The following PATJ variants were observed in gnomAD, a reference collection of about 807,000 sequenced individuals.
PATJ encodes inaD-like protein.
A neutral mutation model predicts 224.9 loss-of-function variants in PATJ; 190 were observed. The ratio of observed to expected loss-of-function variants is 0.84; its 90% CI spans 0.75 to 0.95. PATJ has a LOEUF of 0.95. Among genes scored for constraint, PATJ ranks in the 40% least tolerant of loss-of-function variants. The probability of loss-of-function intolerance (pLI) is 0.00; values close to 1 mark genes in which losing one functional copy is unlikely to be tolerated. For missense variants in PATJ, 2,121 were observed against 2,270.3 expected (o/e 0.93, Z 1.34); for synonymous variants, 769 against 820.3 (o/e 0.94, Z 1.07).
chr1:61,836,405 T>C (rs1443068626), intron 17 of PATJ, among the ~76,000 whole-genome samples: 1 of 152,248 alleles, frequency 6.6e-6, no homozygotes, highest in African/African-American at 2.4e-5. Context: ...TTTGTGCTTC[T>C]TATAGAACAT....
chr1:61,765,708 C>T (rs1415924065), intron 3 of PATJ, among the ~76,000 whole-genome samples: 2 of 139,298 alleles, frequency 1.4e-5, no homozygotes, highest in Admixed American at 1.4e-4. Context: ...GTTTAAGTGG[C>T]TCCGTGACTC....
intron 31 of PATJ, among the ~76,000 whole-genome samples, chr1:62,061,975 TTA>T (rs1381938187): frequency 6.6e-6 from 1 of 152,204 alleles, no homozygotes; most frequent in Non-Finnish European, 1.5e-5. Flanking sequence ...CACATTTTCT[TTA>T]TACAGTCCAC....
At chr1:61,801,921 GTTTC>G (rs1356794624) in intron 12 of PATJ, 152 bp downstream of exon 12, 3 of 415,372 alleles carry the variant, frequency 7.2e-6, no homozygotes, top group African/African-American at 2.2e-5. Flanking sequence ...TTGAGACAGA[GTTTC>G]TTTTTTTTTT....
At chr1:62,092,267 CTA>C (rs1660839131) in intron 33 of PATJ, among the ~76,000 whole-genome samples, 1 of 151,876 alleles carries the variant, frequency 6.6e-6, no homozygotes, top group Non-Finnish European at 1.5e-5. Flanking sequence ...GTAGTCCCAA[CTA>C]CCTGGCAGGC....
At chr1:62,026,488 CTGTGTGTG>C (rs58091307) in intron 29 of PATJ, among the ~76,000 whole-genome samples, 151 of 69,442 alleles carry the variant, frequency 2.2e-3, no homozygotes, top group Non-Finnish European at 3.7e-3. Flanking sequence ...GTGTGTGTGT[CTGTGTGTG>C]TGTGTACATG....
intron 30 of PATJ, among the ~76,000 whole-genome samples, chr1:62,048,746 G>A (rs944733772): frequency 2.6e-5 from 4 of 152,014 alleles, no homozygotes; most frequent in African/African-American, 9.7e-5. Flanking sequence ...AACAAGTTAA[G>A]TTACAGGTGA....
rs75570574 is a variant in PATJ, at chr1:61,902,504, G to A, written c.3381+1045G>A. 2.9e-3 allele frequency among the ~76,000 whole-genome samples: 438 copies of A among 151,878 alleles called. 2 individuals carry two copies. Among genetic ancestry groups the A allele is most frequent in the African/African-American group, 8.0e-3 (330 of 41,392 alleles). On this transcript the variant is annotated intron_variant, in intron 24 of 43. Coordinates refer to ENST00000642238, the MANE Select transcript of PATJ (RefSeq NM_001350145.3). ...AAGTCATTAGACCTACTTATTTTCC[G>A]TTTTCAGATAAAATGGAAATGAGAA...
At chr1:61,751,919 A>G (rs1645353962) in intron 1 of PATJ, among the ~76,000 whole-genome samples, 1 of 152,078 alleles carries the variant, frequency 6.6e-6, no homozygotes, top group Admixed American at 6.6e-5. Context: ...CGGGTGGATC[A>G]CCTGAAGTTG....
intron 19 of PATJ, among the ~76,000 whole-genome samples, chr1:61,863,892 T>C (rs936769877): frequency 9.9e-5 from 15 of 152,262 alleles, no homozygotes; most frequent in Non-Finnish European, 1.8e-4. Flanking sequence ...TGTATACTTA[T>C]GTACTACTTT....
chr1:61,850,238 T>C (rs527819917), intron 17 of PATJ, among the ~76,000 whole-genome samples: 1 of 152,328 alleles, frequency 6.6e-6, no homozygotes, highest in South Asian at 2.1e-4. Context: ...TTAGCTTATG[T>C]GAAATCTGGT....
At chr1:61,834,511 C>T (rs1659860705) in intron 17 of PATJ, among the ~76,000 whole-genome samples, 1 of 152,102 alleles carries the variant, frequency 6.6e-6, no homozygotes. Flanking sequence ...ATTCAGACTG[C>T]TGATTATTTG....
At chr1:62,144,690 G>A (rs1367420390) in intron 41 of PATJ, among the ~76,000 whole-genome samples, 1 of 149,808 alleles carries the variant, frequency 6.7e-6, no homozygotes, top group Non-Finnish European at 1.5e-5. Context: ...CTGAACTCTG[G>A]AACTCCATCC....
chr1:61,744,588 T>C (rs1644929444), intron 1 of PATJ, among the ~76,000 whole-genome samples: 1 of 152,140 alleles, frequency 6.6e-6, no homozygotes, highest in Non-Finnish European at 1.5e-5. Context: ...CCCTTACTAG[T>C]CCAGATCCTA....
rs61474969 is a variant in PATJ at position 61,948,752 on chromosome 1, G to A, written c.3670+20923G>A. Among the ~76,000 whole-genome samples, 427 of 152,274 alleles carry A rather than the reference G, an allele frequency of 2.8e-3. 1 individual carries two copies. The highest frequency in any genetic ancestry group is 9.8e-3 in the African/African-American group (407 of 41,570). On this transcript the variant is annotated intron_variant, in intron 27 of 43. Coordinates refer to ENST00000642238, the MANE Select transcript of PATJ (RefSeq NM_001350145.3). ...GGACTATAAATCATGCTGCTATAAA[G>A]ACACTTGTACACGTATGTTTATTGT... is the stretch of plus-strand genomic sequence containing the variant.
intron 31 of PATJ, among the ~76,000 whole-genome samples, chr1:62,074,186 C>T (rs561794772): frequency 8.2e-6 from 1 of 121,396 alleles, no homozygotes; most frequent in South Asian, 2.6e-4. Flanking sequence ...AAATTATATG[C>T]TGAAAACCCA....
At chr1:62,136,828 C>T (rs193205636) in intron 41 of PATJ, among the ~76,000 whole-genome samples, 1 of 152,102 alleles carries the variant, frequency 6.6e-6, no homozygotes, top group East Asian at 1.9e-4. Flanking sequence ...CCTCAGCCTC[C>T]CAAAGTGCTG....
intron 16 of PATJ, among the ~76,000 whole-genome samples, chr1:61,831,324 T>C (rs981017937): frequency 2.0e-5 from 3 of 151,524 alleles, no homozygotes; most frequent in African/African-American, 4.9e-5. Context: ...AAAACAAAAA[T>C]TGACAAGTGG....
intron 17 of PATJ, among the ~76,000 whole-genome samples, chr1:61,847,549 T>C (rs1434571884): frequency 6.6e-6 from 1 of 152,220 alleles, no homozygotes; most frequent in East Asian, 1.9e-4. Flanking sequence ...TGGGCACTTA[T>C]TTTGAACATG....
chr1:62,050,071 G>A (rs955470392), intron 30 of PATJ, among the ~76,000 whole-genome samples: 12 of 146,892 alleles, frequency 8.2e-5, no homozygotes, highest in African/African-American at 2.8e-4. Context: ...AGCGGAGGTC[G>A]TGCCACTGCA....
Sources: allele counts gnomAD v4.1 joint callset (sites outside exome capture counted in the v4.1 genomes callset), GRCh38; gene constraint gnomAD v4.1.1; transcripts MANE v1.5; gene names NCBI Gene and HGNC (gene_info 2026-07-23, HGNC 2026-07-21).